Variants in ALPL observed in about 807,000 individuals in gnomAD.
The protein encoded by ALPL is alkaline phosphatase, tissue-nonspecific isozyme.
Under a neutral mutation model 51.3 loss-of-function variants are expected in ALPL, and 42 were observed. The observed-to-expected ratio is 0.82, with a 90% CI of 0.64 to 1.06. The LOEUF is 1.06. Among genes scored for constraint, ALPL ranks in the 50% least tolerant of loss-of-function variants. ALPL has a pLI of 0.00. For synonymous variants in ALPL, 279 were observed against 296.4 expected (o/e 0.94, Z 0.60); for missense variants, 589 against 709.4 (o/e 0.83, Z 1.93).
At chr1:21,576,695 G>C in intron 11 of ALPL, 54 bp downstream of exon 11, 2 of 1,609,198 alleles carry the variant, frequency 1.2e-6, no homozygotes, top group Non-Finnish European at 1.7e-6. Flanking sequence ...CTCGGGGATG[G>C]GCTTGGGAAT....
intron 7 of ALPL, among the ~76,000 whole-genome samples, chr1:21,569,683 G>A (rs1644618472): frequency 6.6e-6 from 1 of 152,160 alleles, no homozygotes; most frequent in Non-Finnish European, 1.5e-5. Flanking sequence ...GAAGGCAGGG[G>A]GTCTTCTAAG....
rs138283106 is a variant in ALPL at position 21,557,498 on chromosome 1, A to G, written c.62-3128A>G. ...CGGGGTCCCTGCCTTCTCAGCACTTACAGCCCACCTGGGTGAAAGATGAAC... is the reference window on the plus strand; with the variant it reads ...CGGGGTCCCTGCCTTCTCAGCACTTGCAGCCCACCTGGGTGAAAGATGAAC... On this transcript the variant is annotated intron_variant, in intron 2 of 11. Transcript: ENST00000374840. 3.1e-4 allele frequency among the ~76,000 whole-genome samples: 47 copies of G among 152,350 alleles called. 1 individual carries two copies. Among genetic ancestry groups the G allele is most frequent in the African/African-American group, 1.1e-3 (47 of 41,568 alleles).
At chr1:21,516,811 T>TTG (rs1193517717) in intron 1 of ALPL, among the ~76,000 whole-genome samples, 1 of 152,260 alleles carries the variant, frequency 6.6e-6, no homozygotes, top group Non-Finnish European at 1.5e-5. Flanking sequence ...AGTGATTTTT[T>TTG]TGTGTGTGAA....
chr1:21,540,034 C>G (rs977028325), intron 1 of ALPL, among the ~76,000 whole-genome samples: 13 of 152,168 alleles, frequency 8.5e-5, no homozygotes, highest in African/African-American at 3.1e-4. Context: ...GCTCCCCCTG[C>G]AGAGGGCTGA....
intron 1 of ALPL, among the ~76,000 whole-genome samples, chr1:21,523,464 T>A (rs1244616150): frequency 6.6e-6 from 1 of 152,196 alleles, no homozygotes; most frequent in Non-Finnish European, 1.5e-5. Flanking sequence ...TAGTTCCTGG[T>A]ACCTCTGCTC....
At chr1:21,555,042 G>A (rs957965679) in intron 2 of ALPL, among the ~76,000 whole-genome samples, 1 of 151,646 alleles carries the variant, frequency 6.6e-6, no homozygotes, top group Non-Finnish European at 1.5e-5. Context: ...GGGTGCAGGC[G>A]GGCTAAGTCC....
At chr1:21,518,549 C>A (rs1276465350) in intron 1 of ALPL, among the ~76,000 whole-genome samples, 1 of 152,020 alleles carries the variant, frequency 6.6e-6, no homozygotes, top group Non-Finnish European at 1.5e-5. Flanking sequence ...AGGGGCCAGC[C>A]TAACTCTTTC....
Position 21,533,052 on chromosome 1 carries a change from C to T in ALPL, c.-104-20926C>T, listed in dbSNP as rs567567052. Among the ~76,000 whole-genome samples the T allele has an allele frequency of 2.4e-4, 36 of 152,328 alleles. No individual in the cohort carries two copies. The South Asian group carries it at 6.0e-3, about 25-fold the overall frequency. On this transcript the variant is annotated intron_variant, in intron 1 of 11. Transcript: ENST00000374840. Reference sequence around the variant, plus strand: ...CAAGCTTTGGAGTGGGGCTGCCCACCAGCCCTTCCTGGGTCAGCACTTAAC... The same window carrying T: ...CAAGCTTTGGAGTGGGGCTGCCCACTAGCCCTTCCTGGGTCAGCACTTAAC...
At chr1:21,558,525 T>G (rs559585174) in intron 2 of ALPL, among the ~76,000 whole-genome samples, 4 of 152,378 alleles carry the variant, frequency 2.6e-5, no homozygotes, top group African/African-American at 9.6e-5. Context: ...ATCCTAGAAC[T>G]GCCTGTGGAT....
Position 21,564,287 on chromosome 1 carries a change from C to G in ALPL, c.648+71C>G. On this transcript the variant is annotated intron_variant, in intron 6 of 11. Coordinates refer to ENST00000374840, the MANE Select transcript of ALPL (RefSeq NM_000478.6). The surrounding 1 kb of genome is among the most constrained non-coding windows in gnomAD (Gnocchi z 5.8). ...CTCTGGTGGGCAGGAGGCCTCAGGC[C>G]CAGGCTGGCCCGGAGAAAGCAGCCT... 1 of 1,582,324 alleles carries G rather than the reference C, an allele frequency of 6.3e-7. No homozygotes were observed. The highest frequency in any genetic ancestry group is 8.6e-7 in the Non-Finnish European group (1 of 1,161,960).
intron 5 of ALPL, 80 bp from the exon 6 acceptor site, chr1:21,563,961 G>A (rs2148160934): frequency 6.4e-7 from 1 of 1,557,390 alleles, no homozygotes; most frequent in Non-Finnish European, 8.7e-7. Context: ...GTCTTTAGCG[G>A]GGAGGGGGAA....
Position 21,570,480 on chromosome 1 carries a change from G to A in ALPL, c.862+106G>A, listed in dbSNP as rs547072653. 240 of 1,193,214 alleles carry A rather than the reference G, an allele frequency of 2.0e-4. No homozygotes were observed. The African/African-American group carries it at 3.3e-3, about 16-fold the overall frequency. The allele number at this position is 1,193,214 out of a possible 1,614,324, so 73.9% of individuals were successfully genotyped here. A position where few individuals can be genotyped will look rare whatever the true frequency, so the allele number is the denominator to read the frequency against. ...AGGCCCTAGCCTGACGCCCACTTAG[G>A]GGCCTCTGCTCTTGGGCTTCAGGAC... On this transcript the variant is annotated intron_variant, in intron 8 of 11. Transcript: ENST00000374840.
In ALPL at chr1:21,559,025, C is replaced by T. The variant is rs543439703; in HGVS notation, c.62-1601C>T. On this transcript the variant is annotated intron_variant, in intron 2 of 11. Transcript: ENST00000374840. The stretch of plus-strand genomic sequence containing the variant: ...CCTGGCATCTCGCCCAGAGCCAGTG[C>T]GTGTGTGAGGAAGGAGGGCTGTTCT... Among the ~76,000 whole-genome samples the T allele has an allele frequency of 3.9e-5, 6 of 152,218 alleles. No individual in the cohort carries two copies. The South Asian group carries it at 8.3e-4, about 21-fold the overall frequency.
At chr1:21,547,580 G>A (rs975577942) in intron 1 of ALPL, among the ~76,000 whole-genome samples, 6 of 152,198 alleles carry the variant, frequency 3.9e-5, no homozygotes, top group Admixed American at 3.9e-4. Context: ...CCTGCCCTAA[G>A]CTCGTTCAGC....
rs58835667 is a variant in ALPL at position 21,529,069 on chromosome 1, CAA to C, written c.-105+19565_-105+19566del. Among the ~76,000 whole-genome samples the C allele has an allele frequency of 6.2e-3, 742 of 119,328 alleles. 1 individual carries two copies. The highest frequency in any genetic ancestry group is 0.024 in the Middle Eastern group (5 of 210). 78.3% of individuals were successfully genotyped at this position (119,328 alleles called of 152,430 possible). On this transcript the variant is annotated intron_variant, in intron 1 of 11. Coordinates refer to ENST00000374840, the MANE Select transcript of ALPL (RefSeq NM_000478.6). ...GGGTGACAAGAGCGAGACTCCATCT[CAA>C]AAAAAAAAAAAAGAAAATATTATGG... is the stretch of plus-strand genomic sequence containing the variant.
chr1:21,532,183 G>T (rs1644039634), intron 1 of ALPL, among the ~76,000 whole-genome samples: 1 of 151,908 alleles, frequency 6.6e-6, no homozygotes, highest in Non-Finnish European at 1.5e-5. Flanking sequence ...AAAAGACCAA[G>T]ATTTTTTTTT....
At chr1:21,512,203 G>A (rs1432060569) in intron 1 of ALPL, among the ~76,000 whole-genome samples, 2 of 152,110 alleles carry the variant, frequency 1.3e-5, no homozygotes, top group Middle Eastern at 3.2e-3. Context: ...GGGCTTTGTG[G>A]TATGTTAGAT....
chr1:21,577,910 G>C lies in ALPL; in HGVS notation c.*262G>C, dbSNP rs566407347. On this transcript the variant is annotated 3_prime_UTR_variant, in exon 12 of 12. Transcript: ENST00000374840. ...GGTAGATTTCTCTTGGGCAGGCAGA[G>C]AGTACAGACTGCAGACATTCTCAAA... is the stretch of plus-strand genomic sequence containing the variant. The C allele has an allele frequency of 8.4e-6, 5 of 591,984 alleles. No homozygotes were observed. In the African/African-American group the frequency reaches 9.3e-5, roughly 11 times the overall value. 36.7% of individuals were successfully genotyped at this position (591,984 alleles called of 1,614,324 possible).
chr1:21,561,127 G>A lies in ALPL; in HGVS notation c.212G>A (p.Arg71His), dbSNP rs121918003. 5.0e-6 allele frequency: 8 copies of A among 1,612,650 alleles called. No individual in the cohort carries two copies. Among genetic ancestry groups the A allele is most frequent in the Admixed American group, 1.7e-5 (1 of 59,872 alleles). Residue 71 changes from arginine (R) to histidine (H), a missense_variant, in exon 4 of 12, where the codon CGC becomes CAC. Coordinates refer to ENST00000374840, the MANE Select transcript of ALPL (RefSeq NM_000478.6). ...GMGVSTVTAA[R>H]ILKGQLHHNP... ...GGTGTCTCCACAGTGACGGCTGCCC[G>A]CATCCTCAAGGGTCAGCTCCACCAC...
Sources: gnomAD v4.1 joint callset for allele counts (sites outside exome capture counted in the v4.1 genomes callset) on GRCh38, gnomAD v4.1.1 for gene constraint, Gnocchi (gnomAD v3.1) non-coding constraint, MANE v1.5 for transcripts, NCBI Gene and HGNC (gene_info 2026-07-23, HGNC 2026-07-21) for gene names.